SNTG2: variants seen among roughly 807,000 people sequenced by gnomAD.
SNTG2 encodes the protein gamma-2-syntrophin.
SNTG2 carries 74 observed loss-of-function variants against 70.9 expected under a neutral mutation model. The observed-to-expected ratio is 1.04, with a 90% CI of 0.86 to 1.27. SNTG2 has a LOEUF of 1.27. SNTG2 is among the 50% of genes most tolerant of loss of function. The probability of loss-of-function intolerance (pLI) is 0.00; values close to 1 mark genes in which losing one functional copy is unlikely to be tolerated. For synonymous variants in SNTG2, 278 were observed against 273.8 expected (o/e 1.02, Z -0.15); for missense variants, 717 against 690.7 (o/e 1.04, Z -0.43).
intron 14 of SNTG2, among the ~76,000 whole-genome samples, chr2:1,279,223 C>T (rs34558345): frequency 0.23 from 34,828 of 152,170 alleles, 4,779 homozygotes; most frequent in East Asian, 0.49. Flanking sequence ...ACTCTTACAG[C>T]GTTGCAGTGC....
In SNTG2 at chr2:1,137,796, C is replaced by T. The variant is rs1668492959; in HGVS notation, c.398C>T (p.Thr133Ile). 6.2e-6 allele frequency: 10 copies of T among 1,612,710 alleles called. No individual in the cohort carries two copies. The highest frequency in any genetic ancestry group is 2.2e-5 in the South Asian group (2 of 91,054). ...QVNGIHVENA[T>I]HEEVVHLLRN... ...AATGGCATACATGTAGAAAATGCAA[C>T]TCATGAAGAAGTGGTAAGTGAATTA... The change falls in exon 6 of 17, where the codon ACT (threonine) becomes ATT (isoleucine). Residue 133 changes from threonine to isoleucine, a missense_variant. Transcript: ENST00000308624.
At chr2:1,064,135 T>TC (rs1357918194) in intron 1 of SNTG2, among the ~76,000 whole-genome samples, 4 of 152,140 alleles carry the variant, frequency 2.6e-5, no homozygotes, top group African/African-American at 9.7e-5. Context: ...AACCATATCT[T>TC]CACAGTGCTA....
rs193199008 is a variant in SNTG2, at chr2:1,266,105, G to A, written c.1078-1260G>A. Among the ~76,000 whole-genome samples the A allele has an allele frequency of 6.9e-4, 105 of 152,134 alleles. 1 individual carries two copies. Among genetic ancestry groups the A allele is most frequent in the African/African-American group, 2.5e-3 (104 of 41,500 alleles). ...GAGACAGAGAAACAGACATAAAATAGAGAAACAGAATGACAGAAATGGAGA... is the reference window on the plus strand; with the variant it reads ...GAGACAGAGAAACAGACATAAAATAAAGAAACAGAATGACAGAAATGGAGA... On this transcript the variant is annotated intron_variant, in intron 13 of 16. Coordinates refer to ENST00000308624, the MANE Select transcript of SNTG2 (RefSeq NM_018968.4).
At chr2:979,599 T>C (rs1195208725) in intron 1 of SNTG2, among the ~76,000 whole-genome samples, 1 of 152,192 alleles carries the variant, frequency 6.6e-6, no homozygotes, top group Non-Finnish European at 1.5e-5. Context: ...GCTTTGTTGC[T>C]AAGGAATATG....
At chr2:996,673 G>GTCTTTTTTTTTTTTTTTTTTTT (rs1661690580) in intron 1 of SNTG2, among the ~76,000 whole-genome samples, 1 of 35,114 alleles carries the variant, frequency 2.8e-5, no homozygotes, top group African/African-American at 1.3e-4. Context: ...GAGTTACCCA[G>GTCTTTTTTTTTTTTTTTTTTTT]TTTTTTTTTT....
chr2:1,306,250 G>C (rs185635416), intron 14 of SNTG2, among the ~76,000 whole-genome samples: 204 of 152,240 alleles, frequency 1.3e-3, no homozygotes, highest in African/African-American at 4.7e-3. Context: ...CGCCGGCTGT[G>C]TGTGTGGCGT....
intron 14 of SNTG2, among the ~76,000 whole-genome samples, chr2:1,282,242 A>G (rs1225324109): frequency 1.3e-5 from 2 of 152,174 alleles, no homozygotes; most frequent in Non-Finnish European, 2.9e-5. Flanking sequence ...GTAGGGGAGT[A>G]GTTTACGTGC....
At chr2:1,285,509 A>G (rs1390863217) in intron 14 of SNTG2, among the ~76,000 whole-genome samples, 3 of 152,216 alleles carry the variant, frequency 2.0e-5, no homozygotes, top group South Asian at 2.1e-4. Flanking sequence ...CAACCCAAAT[A>G]CTATCACACA....
intron 9 of SNTG2, chr2:1,210,503 C>A (rs778615873): frequency 6.6e-6 from 1 of 152,170 alleles, no homozygotes; most frequent in Non-Finnish European, 1.5e-5. Context: ...CATCAACCAT[C>A]GTAACCTCAC....
intron 4 of SNTG2, among the ~76,000 whole-genome samples, chr2:1,102,044 C>T (rs996866565): frequency 1.3e-5 from 2 of 152,180 alleles, no homozygotes; most frequent in Non-Finnish European, 2.9e-5. Flanking sequence ...AGACGCTTCT[C>T]GGGCCATCCG....
chr2:986,067 T>TAGAGAGAG (rs10633277), intron 1 of SNTG2, among the ~76,000 whole-genome samples: 6,119 of 129,644 alleles, frequency 0.047, 269 homozygotes, highest in East Asian at 0.072. Flanking sequence ...CTGCAAATAA[T>TAGAGAGAG]AGAGAGAGAG....
intron 12 of SNTG2, among the ~76,000 whole-genome samples, chr2:1,251,680 A>C (rs1677779064): frequency 6.9e-6 from 1 of 144,358 alleles, no homozygotes; most frequent in South Asian, 2.3e-4. Flanking sequence ...CCACACACAC[A>C]TCACATGCAC....
chr2:1,265,609 C>T (rs901165369), intron 13 of SNTG2, among the ~76,000 whole-genome samples: 1 of 152,256 alleles, frequency 6.6e-6, no homozygotes, highest in Admixed American at 6.5e-5. Flanking sequence ...CCAGTCGTAG[C>T]TTTTACCTCA....
intron 15 of SNTG2, among the ~76,000 whole-genome samples, chr2:1,314,163 G>A (rs147181894): frequency 1.6e-4 from 25 of 152,264 alleles, no homozygotes; most frequent in Admixed American, 5.9e-4. Flanking sequence ...CCACTACTGC[G>A]CTCTTTCTTC....
chr2:1,161,061 C>T (rs28655082), intron 6 of SNTG2: 116,571 of 152,158 alleles, frequency 0.77, 45,717 homozygotes, highest in Non-Finnish European at 0.86. Context: ...GAGGTTGGAA[C>T]GCATCCTCCT....
At chr2:1,273,649 A>G (rs1679149564) in intron 14 of SNTG2, among the ~76,000 whole-genome samples, 1 of 149,880 alleles carries the variant, frequency 6.7e-6, no homozygotes, top group South Asian at 2.1e-4. Flanking sequence ...ATATATATAT[A>G]TAAGTATAAA....
At chr2:1,247,172 T>C (rs1039662801) in intron 11 of SNTG2, among the ~76,000 whole-genome samples, 155 bp from the exon 12 acceptor site, 4 of 152,224 alleles carry the variant, frequency 2.6e-5, no homozygotes, top group Admixed American at 2.0e-4. Context: ...TTGTGTGAAC[T>C]TGATTTGGAA....
intron 9 of SNTG2, among the ~76,000 whole-genome samples, chr2:1,229,064 G>A (rs1329792566): frequency 1.3e-5 from 2 of 152,136 alleles, no homozygotes; most frequent in African/African-American, 2.4e-5. Context: ...TAAAAGCAGC[G>A]TGGACCCAAA....
rs146713925 is a variant in SNTG2, at chr2:1,122,170, C to G, written c.326-15452C>G. 5.3e-4 allele frequency among the ~76,000 whole-genome samples: 80 copies of G among 152,194 alleles called. No homozygotes were observed. In the East Asian group the frequency reaches 0.015, roughly 29 times the overall value. On this transcript the variant is annotated intron_variant, in intron 4 of 16. Coordinates refer to ENST00000308624, the MANE Select transcript of SNTG2 (RefSeq NM_018968.4). ...AGATGGCTTCATGGCTGAATTATACCAAATATTCAAAGAAGAAATAATATG... is the reference window on the plus strand; with the variant it reads ...AGATGGCTTCATGGCTGAATTATACGAAATATTCAAAGAAGAAATAATATG...
Sources: gnomAD v4.1 joint callset for allele counts (sites outside exome capture counted in the v4.1 genomes callset) on GRCh38, gnomAD v4.1.1 for gene constraint, MANE v1.5 for transcripts, NCBI Gene and HGNC (gene_info 2026-07-23, HGNC 2026-07-21) for gene names.